Variants in TIAM2 observed in about 807,000 individuals in gnomAD.
The protein encoded by TIAM2 is rho guanine nucleotide exchange factor TIAM2.
Under a neutral mutation model 152.9 loss-of-function variants are expected in TIAM2, and 80 were observed. The ratio of observed to expected loss-of-function variants is 0.52; its 90% CI spans 0.44 to 0.63. The LOEUF (loss-of-function observed/expected upper bound fraction) is 0.63. Among genes scored for constraint, TIAM2 ranks in the 30% least tolerant of loss-of-function variants. The pLI is 0.00. For synonymous variants in TIAM2, 804 were observed against 838.0 expected, an observed-to-expected ratio of 0.96 and a Z score of 0.70; for missense variants, 1,965 against 2,120.1, an observed-to-expected ratio of 0.93 and a Z score of 1.44.
chr6:155,007,228 T>C, intron 1 of TIAM2, among the ~76,000 whole-genome samples: 1 of 152,164 alleles, frequency 6.6e-6, no homozygotes, highest in East Asian at 1.9e-4. Context: ...CCCCTTTGCA[T>C]AGGCTTGCAT....
intron 1 of TIAM2, among the ~76,000 whole-genome samples, chr6:155,075,804 G>A (rs1363816728): frequency 6.6e-6 from 1 of 152,144 alleles, no homozygotes; most frequent in Non-Finnish European, 1.5e-5. Flanking sequence ...AAGCAAAGGT[G>A]TCACTATTTC....
chr6:155,242,826 C>G (rs1353030944), intron 16 of TIAM2, among the ~76,000 whole-genome samples: 1 of 152,134 alleles, frequency 6.6e-6, no homozygotes, highest in African/African-American at 2.4e-5. Flanking sequence ...ACCTCCACCT[C>G]CTGAGTTCAA....
intron 1 of TIAM2, among the ~76,000 whole-genome samples, chr6:155,002,278 G>A (rs1778326485): frequency 6.6e-6 from 1 of 152,130 alleles, no homozygotes; most frequent in South Asian, 2.1e-4. Context: ...GGGCATAGTG[G>A]CATATGCCTG....
chr6:155,043,549 G>T (rs997560549), intron 1 of TIAM2, among the ~76,000 whole-genome samples: 1 of 148,410 alleles, frequency 6.7e-6, no homozygotes, highest in African/African-American at 2.5e-5. Flanking sequence ...CAGGAGGATT[G>T]CTTGAGCCCG....
At chr6:155,222,954 G>T (rs1288195472) in intron 15 of TIAM2, among the ~76,000 whole-genome samples, 1 of 152,160 alleles carries the variant, frequency 6.6e-6, no homozygotes, top group African/African-American at 2.4e-5. Context: ...ATTTTTGGAG[G>T]CTTCTCAGGT....
In TIAM2 at chr6:155,245,690, T is replaced by C; in HGVS notation, c.3611T>C (p.Phe1204Ser). Residue 1204 changes from phenylalanine (F) to serine (S), a missense_variant, in exon 19 of 27, where the codon TTC (phenylalanine) becomes TCC (serine). Phe to Ser is a radical substitution (Grantham distance 155, BLOSUM62 -2). Transcript: ENST00000682666. ...YADHFKLYSGFCANHIKVQKV... is the reference protein window; with the variant it reads ...YADHFKLYSGSCANHIKVQKV... ...GACCACTTTAAACTGTACAGTGGAT[T>C]CTGTGCTAACCATATCAAAGTACAG... 1 of 1,613,936 alleles carries C rather than the reference T, an allele frequency of 6.2e-7. No individual in the cohort carries two copies. The highest frequency in any genetic ancestry group is 8.5e-7 in the Non-Finnish European group (1 of 1,179,932).
At chr6:155,194,961 A>G (rs753585161) in intron 14 of TIAM2, among the ~76,000 whole-genome samples, 39 of 152,286 alleles carry the variant, frequency 2.6e-4, no homozygotes, top group Middle Eastern at 3.4e-3. Context: ...TCTTGCTGCC[A>G]CCATGTGAAG....
At position 155,119,550 on chromosome 6, in the gene TIAM2, G is replaced by A. The variant is rs556589130; in HGVS notation, c.-117-7940G>A. On this transcript the variant is annotated intron_variant, in intron 2 of 26. Coordinates refer to ENST00000682666, the MANE Select transcript of TIAM2 (RefSeq NM_012454.4). The stretch of plus-strand genomic sequence containing the variant: ...AGATGGGTATCACCATGTTGGCCAG[G>A]CTGGTCTCAAACTCCTGTCCTCAAG... 4.6e-5 allele frequency among the ~76,000 whole-genome samples: 7 copies of A among 152,200 alleles called. No individual in the cohort carries two copies. In the South Asian group the frequency reaches 1.2e-3, roughly 27 times the overall value.
At chr6:155,237,268 C>A (rs1782813552) in intron 15 of TIAM2, among the ~76,000 whole-genome samples, 1 of 152,244 alleles carries the variant, frequency 6.6e-6, no homozygotes, top group African/African-American at 2.4e-5. Context: ...GTCTCACATC[C>A]AGGTCACACT....
At chr6:155,226,461 G>A (rs556941427) in intron 15 of TIAM2, among the ~76,000 whole-genome samples, 2 of 152,282 alleles carry the variant, frequency 1.3e-5, no homozygotes, top group East Asian at 3.9e-4. Context: ...CTTGAGGTCA[G>A]GAGTTTGAGA....
chr6:155,249,949 C>A lies in TIAM2; in HGVS notation c.3931C>A (p.Gln1311Lys), dbSNP rs1179336049. The A allele has an allele frequency of 1.2e-6, 2 of 1,613,218 alleles. No homozygotes were observed. Among genetic ancestry groups the A allele is most frequent in the Admixed American group, 3.3e-5 (2 of 59,780 alleles). The change falls in exon 21 of 27, where the codon CAG (glutamine) becomes AAG (lysine). Residue 1311 changes from glutamine (Q) to lysine (K), a missense_variant. Around this residue, in one of 3 missense-constraint regions of TIAM2, gnomAD observed 935 missense variants for 980.0 expected, o/e 0.95. Coordinates refer to ENST00000682666, the MANE Select transcript of TIAM2 (RefSeq NM_012454.4). ...CGTGTTTGACCAGCTAGTAGCTGAG[C>A]AGAGCGGAACAGAGAAGGAGGTCCG... is the stretch of plus-strand genomic sequence containing the variant. ...GTVFDQLVAE[Q>K]SGTEKEVTEL...
chr6:155,032,833 G>A (rs922770043), intron 1 of TIAM2, among the ~76,000 whole-genome samples: 6 of 152,102 alleles, frequency 3.9e-5, no homozygotes, highest in African/African-American at 9.7e-5. Context: ...GGGCCACGAC[G>A]CCTGGCCTGT....
intron 1 of TIAM2, among the ~76,000 whole-genome samples, chr6:155,074,847 C>T (rs1777917799): frequency 1.7e-5 from 2 of 114,384 alleles, no homozygotes; most frequent in African/African-American, 7.3e-5. Context: ...GGTGGAGACT[C>T]TGTCTCAAAA....
intron 7 of TIAM2, among the ~76,000 whole-genome samples, chr6:155,155,308 C>T (rs1209203406): frequency 6.6e-6 from 1 of 151,948 alleles, no homozygotes; most frequent in Non-Finnish European, 1.5e-5. Context: ...TCCCAGGCAG[C>T]TGCGATTACA....
intron 15 of TIAM2, among the ~76,000 whole-genome samples, chr6:155,220,433 T>C (rs1275694581): frequency 6.6e-6 from 1 of 152,182 alleles, no homozygotes; most frequent in African/African-American, 2.4e-5. Context: ...CCTGGCGGGC[T>C]GCACAGTAAG....
intron 1 of TIAM2, among the ~76,000 whole-genome samples, chr6:154,999,282 C>T (rs1465646374): frequency 2.0e-5 from 3 of 151,944 alleles, no homozygotes; most frequent in African/African-American, 7.2e-5. Context: ...GCGATCTCAG[C>T]TCACTGCAAC....
chr6:155,257,261 G>GTAAAGATTTAAGTTAT lies in TIAM2; in HGVS notation c.*142_*157dup. ...GTATACATTTTCCCACAAAATGGTT[G>GTAAAGATTTAAGTTAT]TAAAGATTTAAGTTATTTTAATTTA... is the stretch of plus-strand genomic sequence containing the variant. On this transcript the variant is annotated 3_prime_UTR_variant, in exon 27 of 27. Transcript: ENST00000682666. The GTAAAGATTTAAGTTAT allele has an allele frequency of 1.0e-6, 1 of 954,116 alleles. No individual in the cohort carries two copies. The highest frequency in any genetic ancestry group is 2.6e-5 in the East Asian group (1 of 37,778). 59.1% of individuals were successfully genotyped at this position (954,116 alleles called of 1,614,324 possible). A position where few individuals can be genotyped will look rare whatever the true frequency, so the allele number is the denominator to read the frequency against.
intron 15 of TIAM2, among the ~76,000 whole-genome samples, chr6:155,235,481 G>A (rs1421921132): frequency 6.6e-6 from 1 of 152,172 alleles, no homozygotes; most frequent in Non-Finnish European, 1.5e-5. Context: ...CCTATAAAGT[G>A]CTGATCAGGT....
chr6:154,997,827 G>C (rs970158315), intron 1 of TIAM2, among the ~76,000 whole-genome samples: 3 of 151,444 alleles, frequency 2.0e-5, no homozygotes, highest in African/African-American at 2.4e-5. Context: ...TTGTAGAGAG[G>C]GGGTTTCGCC....
Sources: allele counts gnomAD v4.1 joint callset (sites outside exome capture counted in the v4.1 genomes callset), GRCh38; gene constraint gnomAD v4.1.1; regional missense constraint gnomAD v4.1.1; transcripts MANE v1.5; gene names NCBI Gene and HGNC (gene_info 2026-07-23, HGNC 2026-07-21).